Variants in HS3ST6 observed in about 807,000 individuals in gnomAD.
HS3ST6 encodes heparan sulfate glucosamine 3-O-sulfotransferase 6.
Under a neutral mutation model 11.0 loss-of-function variants are expected in HS3ST6, and 13 were observed. The ratio of observed to expected loss-of-function variants is 1.18; its 90% CI spans 0.77 to 1.88. HS3ST6 has a LOEUF of 1.88. HS3ST6 is among the 40% of genes most tolerant of loss of function. The probability of loss-of-function intolerance (pLI) is 0.00; values close to 1 mark genes in which losing one functional copy is unlikely to be tolerated. For synonymous variants in HS3ST6, 232 were observed against 230.6 expected, an observed-to-expected ratio of 1.01 and a Z score of -0.06; for missense variants, 541 against 494.4, an observed-to-expected ratio of 1.09 and a Z score of -0.89.
At position 1,911,739 on chromosome 16, in the gene HS3ST6, C is replaced by A; in HGVS notation, c.880G>T (p.Gly294Cys). The A allele has an allele frequency of 3.1e-6, 5 of 1,613,462 alleles. No homozygotes were observed. Among genetic ancestry groups the A allele is most frequent in the Non-Finnish European group, 4.2e-6 (5 of 1,179,642 alleles). Reference protein sequence around the residue: ...KGFPCLKKAQGGSRPRCLGKS... With the variant: ...KGFPCLKKAQCGSRPRCLGKS... ...CCCAGGCAGCGGGGACGGCTGCCGCCCTGGGCCTTCTTGAGGCAGGGGAAG... is the reference window on the plus strand; with the variant it reads ...CCCAGGCAGCGGGGACGGCTGCCGCACTGGGCCTTCTTGAGGCAGGGGAAG... The change falls in exon 2 of 2, where the codon GGC (glycine) becomes TGC (cysteine). Residue 294 changes from glycine to cysteine, a missense_variant. Coordinates refer to ENST00000454677, the MANE Select transcript of HS3ST6 (RefSeq NM_001009606.4).
intron 1 of HS3ST6, among the ~76,000 whole-genome samples, chr16:1,915,638 C>A (rs1461963870): frequency 1.3e-5 from 2 of 152,244 alleles, no homozygotes; most frequent in Non-Finnish European, 2.9e-5. Context: ...CCAGACAGGG[C>A]ACCCTTCCCA....
chr16:1,917,758 C>T (rs1270110933), intron 1 of HS3ST6, among the ~76,000 whole-genome samples, 153 bp downstream of exon 1: 1 of 152,186 alleles, frequency 6.6e-6, no homozygotes. Context: ...GACCCCAGGT[C>T]AAGCCTGGGG....
rs376074247 is a variant in HS3ST6 at position 1,911,634 on chromosome 16, G to C, written c.985C>G (p.Arg329Gly). Reference sequence around the variant, plus strand: ...TGGCCCGTCATCTGGTAGAACCTGCGGTTGAAGGGCCGGTAGAACTCCTGC... The same window carrying C: ...TGGCCCGTCATCTGGTAGAACCTGCCGTTGAAGGGCCGGTAGAACTCCTGC... ...RLQEFYRPFN[R>G]RFYQMTGQDF... Residue 329 changes from arginine (R) to glycine (G), a missense_variant, in exon 2 of 2, where the codon CGC (arginine) becomes GGC (glycine). By Grantham distance (125) the Arg-to-Gly change is moderately radical (BLOSUM62 -2). Coordinates refer to ENST00000454677, the MANE Select transcript of HS3ST6 (RefSeq NM_001009606.4). 1.2e-6 allele frequency: 2 copies of C among 1,609,008 alleles called. No individual in the cohort carries two copies. The highest frequency in any genetic ancestry group is 1.3e-5 in the African/African-American group (1 of 74,924).
rs2082939796 is a variant in HS3ST6 at position 1,918,159 on chromosome 16, G to A, written c.165C>T (p.Ala55=). Reference sequence around the variant, plus strand: ...GCGCGGGGGCCGGCGCGGGGGCGCGGGCGGCCGGCGGGCAGCGGCCGGGGA... The same window carrying A: ...GCGCGGGGGCCGGCGCGGGGGCGCGAGCGGCCGGCGGGCAGCGGCCGGGGA... The part of the protein sequence containing the change: ...CALPGRCPPA[A]RAPAPAPAPS... Residue 55 remains alanine (A), a synonymous_variant, in exon 1 of 2, where the codon GCC becomes GCT. Transcript: ENST00000454677. The surrounding 1 kb of genome is among the most constrained non-coding windows in gnomAD (Gnocchi z 6.0). The A allele has an allele frequency of 8.7e-6, 10 of 1,144,704 alleles. No homozygotes were observed. The highest frequency in any genetic ancestry group is 9.6e-6 in the Non-Finnish European group (9 of 933,938). The allele number at this position is 1,144,704 out of a possible 1,614,324, so 70.9% of individuals were successfully genotyped here. A position where few individuals can be genotyped will look rare whatever the true frequency, so the allele number is the denominator to read the frequency against.
chr16:1,913,465 G>A lies in HS3ST6; in HGVS notation c.414-1260C>T, dbSNP rs571303103. Among the ~76,000 whole-genome samples the A allele has an allele frequency of 2.6e-5, 4 of 152,332 alleles. No homozygotes were observed. In the East Asian group the frequency reaches 5.8e-4, roughly 22 times the overall value. On this transcript the variant is annotated intron_variant, in intron 1 of 1. Transcript: ENST00000454677. Reference sequence around the variant, plus strand: ...CCAGGCACCCCCAGCAGTGCCCCGGGCAGCACCTGCCAGCCAGGTAGTGCA... The same window carrying A: ...CCAGGCACCCCCAGCAGTGCCCCGGACAGCACCTGCCAGCCAGGTAGTGCA...
upstream of HS3ST6, among the ~76,000 whole-genome samples, chr16:1,919,359 C>T (rs1597013015): frequency 6.6e-6 from 1 of 152,350 alleles, no homozygotes; most frequent in Non-Finnish European, 1.5e-5. Flanking sequence ...GGCCGCTAGA[C>T]ACTGCGGGAA....
chr16:1,917,343 G>A (rs1035599365), intron 1 of HS3ST6, among the ~76,000 whole-genome samples: 9 of 152,190 alleles, frequency 5.9e-5, no homozygotes, highest in African/African-American at 2.2e-4. Context: ...CATGCACGGG[G>A]CTGGACTCAC....
Position 1,917,247 on chromosome 16 carries a change from G to C in HS3ST6, c.413+664C>G, listed in dbSNP as rs149590852. Among the ~76,000 whole-genome samples the C allele has an allele frequency of 2.6e-3, 400 of 152,256 alleles. 3 individuals carry two copies. Among genetic ancestry groups the C allele is most frequent in the African/African-American group, 8.9e-3 (370 of 41,556 alleles). ...AGGCGCTGGGTCCAAGCTTGGGGATGAGCAGCCACCAGCGCGGGCTGCTTC... is the reference window on the plus strand; with the variant it reads ...AGGCGCTGGGTCCAAGCTTGGGGATCAGCAGCCACCAGCGCGGGCTGCTTC... On this transcript the variant is annotated intron_variant, in intron 1 of 1. Transcript: ENST00000454677.
chr16:1,917,208 A>G (rs1314865693), intron 1 of HS3ST6, among the ~76,000 whole-genome samples: 1 of 152,202 alleles, frequency 6.6e-6, no homozygotes, highest in Non-Finnish European at 1.5e-5. Context: ...GGCCTTGGGC[A>G]GGGTCCTCTC....
At chr16:1,920,575 T>TCCGCTG (rs1318037927), upstream of HS3ST6, among the ~76,000 whole-genome samples, 3 of 152,194 alleles carry the variant, frequency 2.0e-5, no homozygotes, top group Non-Finnish European at 4.4e-5. Flanking sequence ...TCCTGGCCTT[T>TCCGCTG]CCGCTGCCGT....
chr16:1,918,837 C>A (rs2082945770), upstream of HS3ST6, among the ~76,000 whole-genome samples: 2 of 152,166 alleles, frequency 1.3e-5, no homozygotes, highest in South Asian at 2.1e-4. This position sits in a 1 kb window ranked among gnomAD's most constrained non-coding sequence, Gnocchi z 6.0. Context: ...ATCGCCAGGC[C>A]AAGGGGACCC....
rs373745703 is a variant in HS3ST6 at position 1,912,123 on chromosome 16, G to T, written c.496C>A (p.Arg166Ser). The change falls in exon 2 of 2, where the codon CGC (arginine) becomes AGC (serine). Residue 166 changes from arginine to serine, a missense_variant. Transcript: ENST00000454677. This position sits in a 1 kb window ranked among gnomAD's most constrained non-coding sequence, Gnocchi z 5.6. ...GTGTCCGGGGACATGGCGTGGATGC[G>T]GCGGGGGGCCTCTCGCGTCACGAAG... Reference protein sequence around the residue: ...SYFVTREAPRRIHAMSPDTKL... With the variant: ...SYFVTREAPRSIHAMSPDTKL... 1 of 1,500,846 alleles carries T rather than the reference G, an allele frequency of 6.7e-7. No individual in the cohort carries two copies. The highest frequency in any genetic ancestry group is 2.4e-5 in the Admixed American group (1 of 42,130). The allele number at this position is 1,500,846 out of a possible 1,614,324, so 93.0% of individuals were successfully genotyped here. A position where few individuals can be genotyped will look rare whatever the true frequency, so the allele number is the denominator to read the frequency against.
Position 1,911,729 on chromosome 16 carries a change from C to G in HS3ST6, c.890G>C (p.Arg297Pro), listed in dbSNP as rs773615297. 6.2e-7 allele frequency: 1 copy of G among 1,612,932 alleles called. No homozygotes were observed. The highest frequency in any genetic ancestry group is 1.7e-5 in the Admixed American group (1 of 59,922). ...PCLKKAQGGSRPRCLGKSKGR... is the reference protein window; with the variant it reads ...PCLKKAQGGSPPRCLGKSKGR... The stretch of plus-strand genomic sequence containing the variant: ...CTTGGACTTGCCCAGGCAGCGGGGA[C>G]GGCTGCCGCCCTGGGCCTTCTTGAG... The change falls in exon 2 of 2, where the codon CGT becomes CCT. Residue 297 changes from arginine to proline, a missense_variant. Coordinates refer to ENST00000454677, the MANE Select transcript of HS3ST6 (RefSeq NM_001009606.4).
chr16:1,913,863 G>A (rs1375190437), intron 1 of HS3ST6, among the ~76,000 whole-genome samples: 1 of 152,140 alleles, frequency 6.6e-6, no homozygotes, highest in Non-Finnish European at 1.5e-5. Flanking sequence ...GAGGTGGGAG[G>A]GAGGATGTGT....
intron 1 of HS3ST6, among the ~76,000 whole-genome samples, chr16:1,913,578 T>C (rs1035638538): frequency 8.5e-5 from 13 of 152,148 alleles, no homozygotes; most frequent in African/African-American, 2.9e-4. Flanking sequence ...ACTAGGTCGA[T>C]AGAAACACAG....
Position 1,911,955 on chromosome 16 carries a change from C to CGCTCCAG in HS3ST6, c.657_663dup (p.Ala222LeufsTer158). On this transcript the variant is annotated frameshift_variant, in exon 2 of 2. Transcript: ENST00000454677. LOFTEE classifies it low-confidence loss of function (END_TRUNC). ...TGGGCGTACAGGCCGATGCGGACGG[C>CGCTCCAG]GCTCCAGGCTGTGTCCACGGGGCCC... 6.4e-7 allele frequency: 1 copy of CGCTCCAG among 1,572,704 alleles called. No individual in the cohort carries two copies. The highest frequency in any genetic ancestry group is 8.6e-7 in the Non-Finnish European group (1 of 1,158,032).
chr16:1,915,908 A>C (rs2082922632), intron 1 of HS3ST6, among the ~76,000 whole-genome samples: 3 of 128,084 alleles, frequency 2.3e-5, no homozygotes, highest in Non-Finnish European at 5.2e-5. Flanking sequence ...GGTCGGTCAC[A>C]GCCCAGTGGG....
At position 1,911,803 on chromosome 16, in the gene HS3ST6, G is replaced by C. The variant is rs376367260; in HGVS notation, c.816C>G (p.Val272=). The C allele has an allele frequency of 5.6e-6, 9 of 1,613,870 alleles. No individual in the cohort carries two copies. Among genetic ancestry groups the C allele is most frequent in the Non-Finnish European group, 7.6e-6 (9 of 1,179,832 alleles). ...RVQDFLGLKR[V]VTDKHFYFNA... is the part of the protein sequence containing the mutation. ...TGAAGTAGAAGTGCTTGTCCGTGACGACCCGTTTCAGGCCCAGGAAGTCCT... is the reference window on the plus strand; with the variant it reads ...TGAAGTAGAAGTGCTTGTCCGTGACCACCCGTTTCAGGCCCAGGAAGTCCT... Residue 272 remains valine (V), a synonymous_variant, in exon 2 of 2, where the codon GTC becomes GTG. Coordinates refer to ENST00000454677, the MANE Select transcript of HS3ST6 (RefSeq NM_001009606.4).
chr16:1,915,192 C>G (rs1162654185), intron 1 of HS3ST6, among the ~76,000 whole-genome samples: 1 of 152,234 alleles, frequency 6.6e-6, no homozygotes, highest in Non-Finnish European at 1.5e-5. Flanking sequence ...ACTCCCTGCA[C>G]CCACTGCTCT....
Sources: allele counts gnomAD v4.1 joint callset (sites outside exome capture counted in the v4.1 genomes callset), GRCh38; gene constraint gnomAD v4.1.1; non-coding constraint Gnocchi (gnomAD v3.1); transcripts MANE v1.5; gene names NCBI Gene and HGNC (gene_info 2026-07-23, HGNC 2026-07-21).